Variants in CREB5 observed in about 807,000 individuals in gnomAD.
CREB5 encodes the protein cAMP responsive element binding protein 5, also known as cyclic AMP-responsive element-binding protein 5.
In CREB5, 19 loss-of-function variants were observed where a neutral mutation model predicts 57.1. The ratio of observed to expected loss-of-function variants is 0.33; its 90% CI spans 0.23 to 0.49. The LOEUF (loss-of-function observed/expected upper bound fraction) is 0.49. Ranked by LOEUF, CREB5 falls within the 20% of genes least tolerant of loss-of-function variation. The pLI is 0.99. For missense variants in CREB5, 579 were observed against 671.6 expected (o/e 0.86, Z 1.52); for synonymous variants, 238 against 238.3 (o/e 1.00, Z 0.01).
chr7:28,714,192 T>G (rs1315452360), intron 5 of CREB5, among the ~76,000 whole-genome samples: 3 of 152,174 alleles, frequency 2.0e-5, no homozygotes, highest in Non-Finnish European at 1.5e-5. Flanking sequence ...CTCGAACTCC[T>G]GGGCTTAAAT....
chr7:28,568,990 G>A lies in CREB5; in HGVS notation c.292-1375G>A, dbSNP rs781115237. On this transcript the variant is annotated intron_variant, in intron 4 of 10. Coordinates refer to ENST00000357727, the MANE Select transcript of CREB5 (RefSeq NM_182898.4). ...ATTTTTTCTTTAGTAAATTGCTAGT[G>A]GCACTCCATTTTTTTCCCTCCCATC... Among the ~76,000 whole-genome samples the A allele has an allele frequency of 8.0e-4, 122 of 152,012 alleles. 1 individual carries two copies. The highest frequency in any genetic ancestry group is 7.4e-5 in the Non-Finnish European group (5 of 68,004).
intron 5 of CREB5, among the ~76,000 whole-genome samples, chr7:28,715,546 A>T (rs909885930): frequency 2.0e-5 from 3 of 152,244 alleles, no homozygotes; most frequent in Admixed American, 2.0e-4. Context: ...TACTTTAACG[A>T]TATGAGCATT....
intron 7 of CREB5, among the ~76,000 whole-genome samples, chr7:28,725,460 T>C (rs752703516): frequency 1.3e-5 from 2 of 152,184 alleles, no homozygotes; most frequent in Non-Finnish European, 2.9e-5. Flanking sequence ...CTCTTTGCTG[T>C]GCCACAGTCC....
intron 7 of CREB5, among the ~76,000 whole-genome samples, chr7:28,727,324 C>A (rs960758682): frequency 5.9e-5 from 9 of 152,074 alleles, no homozygotes; most frequent in African/African-American, 1.9e-4. Context: ...GTCTTTCTAA[C>A]CTCTCAACAT....
At chr7:28,575,188 G>T (rs983155582) in intron 5 of CREB5, among the ~76,000 whole-genome samples, 2 of 152,284 alleles carry the variant, frequency 1.3e-5, no homozygotes, top group African/African-American at 4.8e-5. Context: ...ATAATAAAAA[G>T]AAAAGCTGAT....
At chr7:28,680,521 G>C (rs1311296827) in intron 5 of CREB5, among the ~76,000 whole-genome samples, 1 of 152,122 alleles carries the variant, frequency 6.6e-6, no homozygotes, top group African/African-American at 2.4e-5. Context: ...ACTTTGGAAG[G>C]CCAAGCTGGG....
intron 10 of CREB5, 86 bp downstream of exon 10, chr7:28,818,265 G>A: frequency 1.1e-6 from 1 of 894,716 alleles, no homozygotes; most frequent in East Asian, 2.4e-5. Context: ...AAGAGCAAAA[G>A]TAAAGTGTAG....
chr7:28,767,224 G>T (rs1806053435), intron 7 of CREB5, among the ~76,000 whole-genome samples: 1 of 152,110 alleles, frequency 6.6e-6, no homozygotes, highest in African/African-American at 2.4e-5. Flanking sequence ...TTGCTGCCCT[G>T]TTCCATGTAT....
intron 4 of CREB5, among the ~76,000 whole-genome samples, chr7:28,512,910 A>G (rs1460624034): frequency 1.3e-5 from 2 of 152,342 alleles, no homozygotes; most frequent in Non-Finnish European, 2.9e-5. Context: ...AAAATGATTA[A>G]AAGTGAAGTC....
At chr7:28,584,636 T>C (rs892609772) in intron 5 of CREB5, among the ~76,000 whole-genome samples, 3 of 152,316 alleles carry the variant, frequency 2.0e-5, no homozygotes, top group Non-Finnish European at 4.4e-5. Flanking sequence ...TTCAGACTTC[T>C]AACCTCCAGA....
chr7:28,407,774 A>G (rs1023919910), upstream of CREB5, among the ~76,000 whole-genome samples: 2 of 152,146 alleles, frequency 1.3e-5, no homozygotes, highest in African/African-American at 4.8e-5. Flanking sequence ...CAGAAACAAC[A>G]TGCTAAGCTC....
chr7:28,536,483 C>G (rs1280040643), intron 4 of CREB5, among the ~76,000 whole-genome samples: 1 of 152,162 alleles, frequency 6.6e-6, no homozygotes, highest in Non-Finnish European at 1.5e-5. Context: ...GTTTTCAAGC[C>G]TGACCCAGCT....
At chr7:28,603,799 A>T (rs1025781032) in intron 5 of CREB5, among the ~76,000 whole-genome samples, 1 of 152,174 alleles carries the variant, frequency 6.6e-6, no homozygotes, top group South Asian at 2.1e-4. Context: ...TTTAGAAAAC[A>T]GTGTGGAAGT....
At chr7:28,783,001 G>A (rs567182735) in intron 7 of CREB5, among the ~76,000 whole-genome samples, 28 of 152,276 alleles carry the variant, frequency 1.8e-4, no homozygotes, top group East Asian at 1.7e-3. Flanking sequence ...GGAAGATGAC[G>A]ATTTAAGATG....
intron 1 of CREB5, among the ~76,000 whole-genome samples, chr7:28,397,497 A>G (rs42699): frequency 1.3e-5 from 2 of 152,164 alleles, no homozygotes; most frequent in South Asian, 4.1e-4. Flanking sequence ...GAGAATTTGC[A>G]TCTAGGAGAC....
At chr7:28,560,893 T>TGCACGC (rs1187390811) in intron 4 of CREB5, among the ~76,000 whole-genome samples, 1 of 20,468 alleles carries the variant, frequency 4.9e-5, no homozygotes. Flanking sequence ...CGTGCGTGTG[T>TGCACGC]GTGCGTGCGC....
intron 1 of CREB5, among the ~76,000 whole-genome samples, chr7:28,347,560 A>C (rs1786086234): frequency 6.6e-6 from 1 of 152,218 alleles, no homozygotes; most frequent in Non-Finnish European, 1.5e-5. Flanking sequence ...GCAAATTATG[A>C]AATTTTTCTA....
rs1554344471 is a variant in CREB5 at position 28,560,911 on chromosome 7, T to TGTGTGC, written c.292-9451_292-9450insTGCGTG. 2.2e-3 allele frequency among the ~76,000 whole-genome samples: 81 copies of TGTGTGC among 36,066 alleles called. 9 individuals carry two copies. The South Asian group carries it at 0.023, about 10-fold the overall frequency. The allele number at this position is 36,066 out of a possible 152,430, so 23.7% of individuals were successfully genotyped here. On this transcript the variant is annotated intron_variant, in intron 4 of 10. Coordinates refer to ENST00000357727, the MANE Select transcript of CREB5 (RefSeq NM_182898.4). ...GCGTGTGTGTGCGTGCGCGCGTGCG[T>TGTGTGC]GTGCGTGTGTGCGCGTGCGTGTGTG... is the stretch of plus-strand genomic sequence containing the variant.
intron 1 of CREB5, among the ~76,000 whole-genome samples, chr7:28,321,402 G>C (rs928271961): frequency 2.6e-5 from 4 of 152,060 alleles, no homozygotes; most frequent in African/African-American, 4.8e-5. Context: ...AAAAATCAGG[G>C]GGAAAAAACA....
Sources: gnomAD v4.1 joint callset for allele counts (sites outside exome capture counted in the v4.1 genomes callset) on GRCh38, gnomAD v4.1.1 for gene constraint, MANE v1.5 for transcripts, NCBI Gene and HGNC (gene_info 2026-07-23, HGNC 2026-07-21) for gene names.